The following RYR3 variants were observed in gnomAD, a reference collection of about 807,000 sequenced individuals.
RYR3 encodes brain ryanodine receptor-calcium release channel.
Under a neutral mutation model 584.3 loss-of-function variants are expected in RYR3, and 207 were observed. The observed-to-expected ratio is 0.35, with a 90% CI of 0.32 to 0.40. The LOEUF is 0.40. Ranked by LOEUF, RYR3 falls within the 10% of genes least tolerant of loss-of-function variation. RYR3 has a pLI of 1.00. For missense variants in RYR3, 5,616 were observed against 6,089.2 expected, an observed-to-expected ratio of 0.92 and a Z score of 2.59; for synonymous variants, 2,416 against 2,248.5, an observed-to-expected ratio of 1.07 and a Z score of -2.11.
intron 16 of RYR3, among the ~76,000 whole-genome samples, chr15:33,596,668 G>A (rs527858555): frequency 2.4e-4 from 36 of 152,096 alleles, no homozygotes; most frequent in Non-Finnish European, 3.7e-4. Flanking sequence ...TCTTTGTGTG[G>A]GGAATAGTCA....
chr15:33,435,825 T>C (rs946039055), intron 1 of RYR3, among the ~76,000 whole-genome samples: 1 of 152,178 alleles, frequency 6.6e-6, no homozygotes, highest in Non-Finnish European at 1.5e-5. Flanking sequence ...CAAGATTTAT[T>C]ATGAAGAGCT....
At chr15:33,446,580 C>A (rs1439746327) in intron 1 of RYR3, among the ~76,000 whole-genome samples, 2 of 152,140 alleles carry the variant, frequency 1.3e-5, no homozygotes, top group East Asian at 3.9e-4. Context: ...GTGTCCGTGT[C>A]CTGATCTCTT....
chr15:33,364,565 T>C (rs1975216874), intron 1 of RYR3, among the ~76,000 whole-genome samples: 1 of 152,128 alleles, frequency 6.6e-6, no homozygotes, highest in South Asian at 2.1e-4. Flanking sequence ...AGACTTCAAA[T>C]ATTTGGGCCT....
intron 41 of RYR3, among the ~76,000 whole-genome samples, chr15:33,700,193 G>A (rs1352260370): frequency 2.0e-5 from 3 of 152,212 alleles, no homozygotes; most frequent in Admixed American, 6.5e-5. Context: ...AGGGAGCAGT[G>A]CTGATGAGAC....
chr15:33,805,742 G>T (rs1031575223), intron 69 of RYR3, among the ~76,000 whole-genome samples: 101 of 152,028 alleles, frequency 6.6e-4, no homozygotes, highest in African/African-American at 2.4e-3. Flanking sequence ...CTCCCAAAGT[G>T]CTGGGATTAC....
intron 98 of RYR3, chr15:33,856,564 C>T (rs2079682909): frequency 6.6e-6 from 1 of 152,242 alleles, no homozygotes; most frequent in African/African-American, 2.4e-5. Context: ...AGAGTAACTT[C>T]AAAGTTGTGA....
intron 51 of RYR3, 50 bp downstream of exon 51, chr15:33,740,045 A>C: frequency 6.5e-7 from 1 of 1,535,024 alleles, no homozygotes; most frequent in South Asian, 1.2e-5. Context: ...TCCAATAGCC[A>C]ATGTTTTCTT....
chr15:33,602,653 T>C (rs537992036), intron 17 of RYR3, among the ~76,000 whole-genome samples: 49 of 152,172 alleles, frequency 3.2e-4, no homozygotes, highest in African/African-American at 1.2e-3. Context: ...ACATCCTTTA[T>C]GTTTTGTAAT....
At chr15:33,750,389 C>CTT in intron 57 of RYR3, 103 bp downstream of exon 57, 2 of 1,149,682 alleles carry the variant, frequency 1.7e-6, no homozygotes, top group Non-Finnish European at 2.4e-6. Flanking sequence ...ACAATTGAGT[C>CTT]TTTTAAAATG....
chr15:33,745,881 GTTCAAGA>G (rs1196797191), intron 52 of RYR3, among the ~76,000 whole-genome samples, 180 bp from the exon 53 acceptor site: 1 of 152,228 alleles, frequency 6.6e-6, no homozygotes, highest in Non-Finnish European at 1.5e-5. Flanking sequence ...AAAGAGCAGA[GTTCAAGA>G]TTCAGGAGGC....
chr15:33,656,882 C>A (rs2062848358), intron 32 of RYR3, among the ~76,000 whole-genome samples: 1 of 150,118 alleles, frequency 6.7e-6, no homozygotes, highest in Non-Finnish European at 1.5e-5. Context: ...AAAACTCCTG[C>A]CTTTAGAAGC....
chr15:33,806,412 G>T (rs1596698903), intron 69 of RYR3, among the ~76,000 whole-genome samples: 2 of 152,024 alleles, frequency 1.3e-5, no homozygotes, highest in Admixed American at 1.3e-4. Flanking sequence ...CAGTACTTTA[G>T]GAAGCTAAGG....
intron 38 of RYR3, among the ~76,000 whole-genome samples, chr15:33,686,519 C>T (rs2065020531): frequency 1.3e-5 from 2 of 152,270 alleles, no homozygotes; most frequent in South Asian, 4.2e-4. Context: ...TGGTACGATT[C>T]CTTTGGAAAC....
chr15:33,414,711 T>C (rs1247789780), intron 1 of RYR3, among the ~76,000 whole-genome samples: 1 of 152,260 alleles, frequency 6.6e-6, no homozygotes, highest in African/African-American at 2.4e-5. Context: ...TTCACGCCAT[T>C]CCCGCGCCTC....
intron 1 of RYR3, among the ~76,000 whole-genome samples, chr15:33,399,836 T>A (rs1180420488): frequency 6.6e-6 from 1 of 152,186 alleles, no homozygotes. Flanking sequence ...TGTATACATA[T>A]ATGTATATGT....
At chr15:33,856,851 GT>G (rs2079724094) in intron 98 of RYR3, 1 of 152,244 alleles carries the variant, frequency 6.6e-6, no homozygotes, top group African/African-American at 2.4e-5. Flanking sequence ...TAGAGACAGG[GT>G]TTCACCATGT....
Position 33,355,357 on chromosome 15 carries a change from G to T in RYR3, c.51+44261G>T, listed in dbSNP as rs1973827989. On this transcript the variant is annotated intron_variant, in intron 1 of 103. Transcript: ENST00000634891. ...TAATGGCCAGGAGAATAAGACTCGT[G>T]CTTATGGTAATTAATATTTATTTAG... 4.6e-5 allele frequency among the ~76,000 whole-genome samples: 7 copies of T among 152,192 alleles called. No homozygotes were observed. The South Asian group carries it at 1.5e-3, about 32-fold the overall frequency.
At position 33,734,546 on chromosome 15, in the gene RYR3, T is replaced by G. The variant is rs1250306175; in HGVS notation, c.7425-1689T>G. Among the ~76,000 whole-genome samples, 3 of 152,142 alleles carry G rather than the reference T, an allele frequency of 2.0e-5. No homozygotes were observed. The East Asian group carries it at 5.8e-4, about 29-fold the overall frequency. On this transcript the variant is annotated intron_variant, in intron 48 of 103. Transcript: ENST00000634891. The stretch of plus-strand genomic sequence containing the variant: ...CCTTTTGCTGGAGCTGAACTCCAGG[T>G]GTATTTTAGAAACCACATCAACCAA...
At chr15:33,864,219 T>TCTTTCTG in intron 103 of RYR3, 30 bp downstream of exon 103, 1 of 1,557,570 alleles carries the variant, frequency 6.4e-7, no homozygotes, top group African/African-American at 1.4e-5. Flanking sequence ...ATACCCGTGT[T>TCTTTCTG]AGATCTCCCT....
Sources: allele counts gnomAD v4.1 joint callset (sites outside exome capture counted in the v4.1 genomes callset), GRCh38; gene constraint gnomAD v4.1.1; transcripts MANE v1.5; gene names NCBI Gene and HGNC (gene_info 2026-07-23, HGNC 2026-07-21).